TNNI3K: variants seen among roughly 807,000 people sequenced by gnomAD.
TNNI3K encodes the protein TNNI3 interacting kinase, also known as serine/threonine-protein kinase TNNI3K.
Under a neutral mutation model 114.5 loss-of-function variants are expected in TNNI3K, and 140 were observed. That is an observed-to-expected ratio of 1.22 (90% CI 1.07 to 1.41). TNNI3K has a LOEUF of 1.41. Among genes scored for constraint, TNNI3K ranks in the 40% most tolerant of loss-of-function variants. The pLI is 0.00. For missense variants in TNNI3K, 1,125 were observed against 1,007.6 expected (o/e 1.12, Z -1.58); for synonymous variants, 347 against 347.5 (o/e 1.00, Z 0.02).
intron 5 of TNNI3K, among the ~76,000 whole-genome samples, chr1:74,311,161 C>CTA (rs1234216786): frequency 6.6e-6 from 1 of 152,104 alleles, no homozygotes; most frequent in Non-Finnish European, 1.5e-5. Flanking sequence ...ATGTATTGAA[C>CTA]TATGTATGGT....
chr1:74,253,891 G>A (rs1167080798), intron 4 of TNNI3K, among the ~76,000 whole-genome samples: 27 of 152,210 alleles, frequency 1.8e-4, no homozygotes, highest in Admixed American at 1.8e-3. Flanking sequence ...TGCAAGAGCT[G>A]CCAGCACGCT....
intron 23 of TNNI3K, among the ~76,000 whole-genome samples, chr1:74,533,687 A>T (rs1371888550): frequency 6.6e-5 from 10 of 151,932 alleles, no homozygotes; most frequent in Non-Finnish European, 1.3e-4. Flanking sequence ...GATAGACTGG[A>T]TTAAGAAAAT....
intron 23 of TNNI3K, among the ~76,000 whole-genome samples, chr1:74,526,060 A>G (rs1461514623): frequency 6.6e-6 from 1 of 152,242 alleles, no homozygotes; most frequent in Non-Finnish European, 1.5e-5. Flanking sequence ...CAAAACAAAA[A>G]AAACAGTGCT....
chr1:74,309,052 C>T (rs1358771748), intron 5 of TNNI3K, among the ~76,000 whole-genome samples: 1 of 152,158 alleles, frequency 6.6e-6, no homozygotes, highest in African/African-American at 2.4e-5. Flanking sequence ...GACAGATTCA[C>T]AGCTGAATTC....
At chr1:74,242,089 T>G (rs1001217884) in intron 2 of TNNI3K, among the ~76,000 whole-genome samples, 8 of 152,116 alleles carry the variant, frequency 5.3e-5, no homozygotes, top group Non-Finnish European at 8.8e-5. Context: ...GACCTCGTGA[T>G]CTGCCCACCT....
At chr1:74,538,065 C>T (rs1646681059) in intron 23 of TNNI3K, among the ~76,000 whole-genome samples, 1 of 152,128 alleles carries the variant, frequency 6.6e-6, no homozygotes, top group South Asian at 2.1e-4. Flanking sequence ...AATGCTCATT[C>T]TTAACCGTAG....
intron 20 of TNNI3K, among the ~76,000 whole-genome samples, chr1:74,444,356 C>T (rs188090410): frequency 1.1e-4 from 17 of 151,772 alleles, no homozygotes; most frequent in Admixed American, 1.1e-3. Context: ...AATCAATGTG[C>T]AAAAATCACA....
intron 20 of TNNI3K, among the ~76,000 whole-genome samples, chr1:74,461,753 G>A (rs141351864): frequency 7.2e-5 from 11 of 152,110 alleles, no homozygotes; most frequent in African/African-American, 1.4e-4. Context: ...TTGTTGTACC[G>A]AAGTCTTTAA....
intron 6 of TNNI3K, among the ~76,000 whole-genome samples, 193 bp downstream of exon 6, chr1:74,331,741 A>G (rs1002004746): frequency 5.9e-5 from 9 of 152,174 alleles, no homozygotes; most frequent in Non-Finnish European, 1.0e-4. Flanking sequence ...ATTTTTGCTG[A>G]TGATCTTATT....
In TNNI3K at chr1:74,363,064, G is replaced by T. The variant is rs1315799488; in HGVS notation, c.1178-4192G>T. On this transcript the variant is annotated intron_variant, in intron 11 of 24. Transcript: ENST00000326637. The stretch of plus-strand genomic sequence containing the variant: ...AGGAAAACATTTTATTTAATTAGTG[G>T]AAGTTTGATTATCTCTGGAGGTATT... Among the ~76,000 whole-genome samples the T allele has an allele frequency of 2.0e-5, 3 of 152,066 alleles. No individual in the cohort carries two copies. In the East Asian group the frequency reaches 5.8e-4, roughly 29 times the overall value.
chr1:74,523,316 T>C (rs901339933), intron 23 of TNNI3K, among the ~76,000 whole-genome samples: 4 of 152,214 alleles, frequency 2.6e-5, no homozygotes, highest in Non-Finnish European at 1.5e-5. Context: ...TCTAAAGACA[T>C]GTATCATCAA....
rs555949098 is a variant in TNNI3K at position 74,257,828 on chromosome 1, C to T, written c.333+7059C>T. 6.3e-3 allele frequency among the ~76,000 whole-genome samples: 963 copies of T among 151,862 alleles called. 14 individuals are homozygous for T. Among genetic ancestry groups the T allele is most frequent in the Admixed American group, 0.02 (312 of 15,256 alleles). ...GGCTACAGGCGCCCGCCACCACGCC[C>T]GGCTAATTTTTTGTATTTTTAGTAG... On this transcript the variant is annotated intron_variant, in intron 4 of 24. Transcript: ENST00000326637.
chr1:74,306,464 A>G (rs980824868), intron 5 of TNNI3K, among the ~76,000 whole-genome samples: 8 of 152,202 alleles, frequency 5.3e-5, no homozygotes, highest in African/African-American at 1.9e-4. Context: ...ACTGCTTTCC[A>G]CAGGGGCTGA....
Position 74,235,958 on chromosome 1 carries a change from AT to A in TNNI3K, c.41-140del, listed in dbSNP as rs45546834. The A allele has an allele frequency of 1.8e-3, 967 of 528,604 alleles. 11 individuals are homozygous for A. The highest frequency in any genetic ancestry group is 0.018 in the African/African-American group (886 of 50,132). The allele number at this position is 528,604 out of a possible 1,614,324, so 32.7% of individuals were successfully genotyped here. ...TTGCATTTTAAATATAAACATCTGCATTTTAAACACACAATCAGTAATTTAA... is the reference window on the plus strand; with the variant it reads ...TTGCATTTTAAATATAAACATCTGCATTTAAACACACAATCAGTAATTTAA... On this transcript the variant is annotated intron_variant, in intron 1 of 24. Transcript: ENST00000326637.
intron 9 of TNNI3K, among the ~76,000 whole-genome samples, chr1:74,351,339 GT>G (rs1035767936): frequency 2.8e-4 from 42 of 151,630 alleles, no homozygotes; most frequent in African/African-American, 9.9e-4. Flanking sequence ...GAGATCTGCT[GT>G]TAGTCTGATG....
intron 2 of TNNI3K, among the ~76,000 whole-genome samples, chr1:74,246,819 T>C (rs1390095636): frequency 6.6e-6 from 1 of 152,184 alleles, no homozygotes; most frequent in Non-Finnish European, 1.5e-5. Context: ...GCAATACCTG[T>C]TATGTTTTGC....
In TNNI3K at chr1:74,321,627, G is replaced by C. The variant is rs564538591; in HGVS notation, c.445-9823G>C. On this transcript the variant is annotated intron_variant, in intron 5 of 24. Coordinates refer to ENST00000326637, the MANE Select transcript of TNNI3K (RefSeq NM_015978.3). ...GAAATTATTTTATATACATAAGTTA[G>C]TGTGTGTCTCTAAGTTTTATTTCCA... Among the ~76,000 whole-genome samples, 8 of 151,824 alleles carry C rather than the reference G, an allele frequency of 5.3e-5. No individual in the cohort carries two copies. In the East Asian group the frequency reaches 1.4e-3, roughly 26 times the overall value.
At chr1:74,321,618 C>G (rs1200265904) in intron 5 of TNNI3K, among the ~76,000 whole-genome samples, 2 of 151,826 alleles carry the variant, frequency 1.3e-5, no homozygotes, top group Non-Finnish European at 2.9e-5. Flanking sequence ...ATTTTATATA[C>G]ATAAGTTAGT....
chr1:74,537,316 T>A (rs911983623), intron 23 of TNNI3K, among the ~76,000 whole-genome samples: 2 of 152,174 alleles, frequency 1.3e-5, no homozygotes, highest in Non-Finnish European at 2.9e-5. Context: ...AAAAATGTCT[T>A]GAGTGATATT....
Sources: gnomAD v4.1 joint callset for allele counts (sites outside exome capture counted in the v4.1 genomes callset) on GRCh38, gnomAD v4.1.1 for gene constraint, MANE v1.5 for transcripts, NCBI Gene and HGNC (gene_info 2026-07-23, HGNC 2026-07-21) for gene names.